GRM7: variants seen among roughly 807,000 people sequenced by gnomAD.
The protein encoded by GRM7 is glutamate metabotropic receptor 7, also known as metabotropic glutamate receptor 7.
GRM7 carries 35 observed loss-of-function variants against 84.5 expected under a neutral mutation model. The ratio of observed to expected loss-of-function variants is 0.41; its 90% confidence interval spans 0.32 to 0.55. GRM7 has a LOEUF of 0.55. Among genes scored for constraint, GRM7 ranks in the 20% least tolerant of loss-of-function variants. GRM7 has a pLI of 0.19. For missense variants in GRM7, 1,003 were observed against 1,194.6 expected, an observed-to-expected ratio of 0.84 and a Z score of 2.36; for synonymous variants, 487 against 455.1, an observed-to-expected ratio of 1.07 and a Z score of -0.89.
chr3:7,260,090 C>T (rs1336041384), intron 2 of GRM7, among the ~76,000 whole-genome samples: 1 of 151,422 alleles, frequency 6.6e-6, no homozygotes, highest in East Asian at 1.9e-4. Context: ...ACATGTATGT[C>T]TTCTTTTGAA....
At chr3:7,584,387 T>C (rs749746825) in intron 8 of GRM7, among the ~76,000 whole-genome samples, 6 of 152,238 alleles carry the variant, frequency 3.9e-5, no homozygotes, top group African/African-American at 9.6e-5. Flanking sequence ...TATTGACTTA[T>C]GTGCCTGTTG....
chr3:7,106,023 C>T (rs1024218984), intron 1 of GRM7, among the ~76,000 whole-genome samples: 2 of 151,828 alleles, frequency 1.3e-5, no homozygotes, highest in Non-Finnish European at 2.9e-5. Flanking sequence ...GTATTAACTT[C>T]TCAAAAACTG....
At chr3:7,268,680 A>G (rs1698738721) in intron 2 of GRM7, among the ~76,000 whole-genome samples, 1 of 152,188 alleles carries the variant, frequency 6.6e-6, no homozygotes, top group African/African-American at 2.4e-5. Flanking sequence ...GTGAACAAAA[A>G]GAGGATTGGT....
At chr3:7,677,271 A>AAAAC (rs1553635830) in intron 8 of GRM7, among the ~76,000 whole-genome samples, 7,061 of 128,828 alleles carry the variant, frequency 0.055, 311 homozygotes, top group African/African-American at 0.14. Flanking sequence ...TTAAAAAAAA[A>AAAAC]AAAAAAAAAA....
chr3:7,017,337 T>A (rs933140004), intron 1 of GRM7, among the ~76,000 whole-genome samples: 2 of 152,158 alleles, frequency 1.3e-5, no homozygotes, highest in Non-Finnish European at 1.5e-5. Flanking sequence ...AATAAGCAAC[T>A]AAGCTGGGCC....
chr3:7,205,228 C>T (rs893454787), intron 2 of GRM7, among the ~76,000 whole-genome samples: 4 of 152,154 alleles, frequency 2.6e-5, no homozygotes, highest in Non-Finnish European at 5.9e-5. Flanking sequence ...TTGGTCTTGG[C>T]TTTCAGAAAC....
intron 7 of GRM7, among the ~76,000 whole-genome samples, chr3:7,483,272 G>A (rs1367364026): frequency 6.6e-6 from 1 of 152,182 alleles, no homozygotes; most frequent in Admixed American, 6.6e-5. Flanking sequence ...GTGCTGTGAG[G>A]AAAACAAAAT....
At chr3:7,467,955 T>C (rs1463212795) in intron 7 of GRM7, among the ~76,000 whole-genome samples, 2 of 152,230 alleles carry the variant, frequency 1.3e-5, no homozygotes, top group Non-Finnish European at 2.9e-5. Context: ...TAATGTTTGT[T>C]CCATATTGAA....
At chr3:6,978,667 G>A (rs1694087909) in intron 1 of GRM7, among the ~76,000 whole-genome samples, 1 of 152,148 alleles carries the variant, frequency 6.6e-6, no homozygotes, top group Non-Finnish European at 1.5e-5. Flanking sequence ...GAGTGGGGGA[G>A]ATGATGACTT....
chr3:7,630,249 C>A (rs1697806147), intron 8 of GRM7, among the ~76,000 whole-genome samples: 1 of 152,130 alleles, frequency 6.6e-6, no homozygotes, highest in African/African-American at 2.4e-5. Flanking sequence ...AGACAGACTA[C>A]AGGATAGAAG....
chr3:7,485,906 T>A (rs1005972242), intron 7 of GRM7, among the ~76,000 whole-genome samples: 1 of 152,206 alleles, frequency 6.6e-6, no homozygotes, highest in South Asian at 2.1e-4. Flanking sequence ...ACTTAAATAC[T>A]GAATTTTTCC....
chr3:7,435,538 G>A (rs1697008588), intron 5 of GRM7, among the ~76,000 whole-genome samples: 1 of 151,944 alleles, frequency 6.6e-6, no homozygotes, highest in Non-Finnish European at 1.5e-5. Context: ...TAGAGATGGA[G>A]TTTCACTCTT....
At chr3:7,169,631 C>A (rs552675893) in intron 2 of GRM7, among the ~76,000 whole-genome samples, 1 of 152,338 alleles carries the variant, frequency 6.6e-6, no homozygotes, top group East Asian at 1.9e-4. Flanking sequence ...CTTCATCTTA[C>A]ATATGCTCCT....
chr3:6,985,784 T>A (rs961536386), intron 1 of GRM7, among the ~76,000 whole-genome samples: 1 of 152,158 alleles, frequency 6.6e-6, no homozygotes, highest in African/African-American at 2.4e-5. Context: ...TGTTATTAAA[T>A]CTGGAAATGA....
At chr3:7,013,644 G>C (rs751597382) in intron 1 of GRM7, among the ~76,000 whole-genome samples, 1 of 152,090 alleles carries the variant, frequency 6.6e-6, no homozygotes, top group Non-Finnish European at 1.5e-5. Context: ...AAACTAGCGT[G>C]GTGGTGCGTG....
chr3:7,325,499 G>A (rs1700948873), intron 4 of GRM7, among the ~76,000 whole-genome samples: 1 of 152,112 alleles, frequency 6.6e-6, no homozygotes, highest in Non-Finnish European at 1.5e-5. Context: ...TGATGCAGCT[G>A]GCTCAGCTCA....
At chr3:7,550,368 CCTTT>C (rs763167800) in intron 7 of GRM7, among the ~76,000 whole-genome samples, 1 of 142,644 alleles carries the variant, frequency 7.0e-6, no homozygotes, top group African/African-American at 2.6e-5. Context: ...CTCCTTCCTT[CCTTT>C]CTCTCTCTTC....
At chr3:7,227,284 T>TA (rs1279149424) in intron 2 of GRM7, among the ~76,000 whole-genome samples, 4 of 152,174 alleles carry the variant, frequency 2.6e-5, no homozygotes, top group African/African-American at 9.6e-5. Flanking sequence ...TAGGCATTTA[T>TA]AAAATAAAGG....
intron 7 of GRM7, among the ~76,000 whole-genome samples, chr3:7,513,416 T>C (rs1700277207): frequency 6.6e-6 from 1 of 152,210 alleles, no homozygotes; most frequent in Non-Finnish European, 1.5e-5. Context: ...TCTGTTTTTT[T>C]CTTTTCTATC....
Sources: allele counts gnomAD v4.1 joint callset (sites outside exome capture counted in the v4.1 genomes callset), GRCh38; gene constraint gnomAD v4.1.1; transcripts MANE v1.5; gene names NCBI Gene and HGNC (gene_info 2026-07-23, HGNC 2026-07-21).